The following LRRTM4 variants were observed in gnomAD, a reference collection of about 807,000 sequenced individuals.
LRRTM4 encodes leucine rich repeat transmembrane neuronal 4.
A neutral mutation model predicts 47.6 loss-of-function variants in LRRTM4; 25 were observed. That is an observed-to-expected ratio of 0.53 (90% CI 0.38 to 0.73). The LOEUF (loss-of-function observed/expected upper bound fraction) is 0.73. LRRTM4 is among the 30% of genes least tolerant of loss of function. The pLI, the probability that LRRTM4 is intolerant of heterozygous loss-of-function variation, is 0.00. For missense variants in LRRTM4, 638 were observed against 713.4 expected, an observed-to-expected ratio of 0.89 and a Z score of 1.20; for synonymous variants, 311 against 269.5, an observed-to-expected ratio of 1.15 and a Z score of -1.51.
At chr2:77,241,805 T>C (rs902562824) in intron 3 of LRRTM4, among the ~76,000 whole-genome samples, 1 of 152,116 alleles carries the variant, frequency 6.6e-6, no homozygotes, top group Non-Finnish European at 1.5e-5. Context: ...TTAGCACTTA[T>C]GTTTAGATCT....
At chr2:77,303,839 T>C (rs916905712) in intron 3 of LRRTM4, among the ~76,000 whole-genome samples, 4 of 152,184 alleles carry the variant, frequency 2.6e-5, no homozygotes, top group Non-Finnish European at 5.9e-5. Flanking sequence ...TATCACGTTA[T>C]CTTTATCCAT....
intron 3 of LRRTM4, among the ~76,000 whole-genome samples, chr2:77,402,841 G>C (rs1674013558): frequency 6.6e-6 from 1 of 151,792 alleles, no homozygotes; most frequent in African/African-American, 2.4e-5. Context: ...CCCGAAACTA[G>C]AATTTTCTAA....
intron 3 of LRRTM4, among the ~76,000 whole-genome samples, chr2:76,801,322 T>A (rs532606945): frequency 6.6e-6 from 1 of 152,196 alleles, no homozygotes; most frequent in East Asian, 1.9e-4. Flanking sequence ...CACCATGGAA[T>A]ACTATGCAGC....
At chr2:77,158,336 G>C (rs1206665926) in intron 3 of LRRTM4, among the ~76,000 whole-genome samples, 1 of 152,128 alleles carries the variant, frequency 6.6e-6, no homozygotes, top group East Asian at 1.9e-4. Context: ...CATCACAGAT[G>C]TATCAAATTT....
At chr2:77,042,380 T>C (rs749771073) in intron 3 of LRRTM4, among the ~76,000 whole-genome samples, 28 of 151,718 alleles carry the variant, frequency 1.8e-4, no homozygotes, top group Non-Finnish European at 3.5e-4. Flanking sequence ...ATGTTACACT[T>C]TTCTGTACAT....
At chr2:77,118,684 G>GATT (rs1459562564) in intron 3 of LRRTM4, among the ~76,000 whole-genome samples, 1 of 151,846 alleles carries the variant, frequency 6.6e-6, no homozygotes, top group Non-Finnish European at 1.5e-5. Context: ...AAGCCTTAGA[G>GATT]ATTAAGAACA....
chr2:77,390,249 C>A (rs1057361133), intron 3 of LRRTM4, among the ~76,000 whole-genome samples: 1 of 151,886 alleles, frequency 6.6e-6, no homozygotes, highest in East Asian at 1.9e-4. Context: ...GGAAGATAAA[C>A]AACATTTAAA....
intron 3 of LRRTM4, among the ~76,000 whole-genome samples, chr2:77,302,248 A>G (rs1166662147): frequency 6.6e-6 from 1 of 152,224 alleles, no homozygotes; most frequent in African/African-American, 2.4e-5. Context: ...TTGAGCCACA[A>G]CACCATGCAG....
chr2:77,345,987 C>A (rs551966969), intron 3 of LRRTM4, among the ~76,000 whole-genome samples: 2 of 151,614 alleles, frequency 1.3e-5, no homozygotes, highest in African/African-American at 4.8e-5. Context: ...ATGGATAAAA[C>A]AAACTAGTAT....
chr2:76,807,411 T>TATATACACAC (rs1670527275), intron 3 of LRRTM4, among the ~76,000 whole-genome samples: 1 of 86,046 alleles, frequency 1.2e-5, no homozygotes, highest in Non-Finnish European at 2.0e-5. Context: ...TATATACGTA[T>TATATACACAC]ATATATATAT....
At chr2:77,497,036 T>G (rs1678389252) in intron 3 of LRRTM4, among the ~76,000 whole-genome samples, 1 of 151,726 alleles carries the variant, frequency 6.6e-6, no homozygotes, top group South Asian at 2.1e-4. Flanking sequence ...AGCTTATGTA[T>G]CTGAAAAATG....
At chr2:77,437,723 G>T (rs889528149) in intron 3 of LRRTM4, among the ~76,000 whole-genome samples, 2 of 152,022 alleles carry the variant, frequency 1.3e-5, no homozygotes, top group East Asian at 3.9e-4. Context: ...ATCTAGTTTA[G>T]GGTTTTTGTG....
At chr2:76,986,216 G>C (rs771879081) in intron 3 of LRRTM4, among the ~76,000 whole-genome samples, 1 of 150,064 alleles carries the variant, frequency 6.7e-6, no homozygotes, top group African/African-American at 2.5e-5. Flanking sequence ...CTTCTGAAGA[G>C]TGTGCATTTA....
chr2:77,392,406 AC>A (rs1376692952), intron 3 of LRRTM4, among the ~76,000 whole-genome samples: 3 of 152,030 alleles, frequency 2.0e-5, no homozygotes, highest in African/African-American at 7.2e-5. Flanking sequence ...ATGACCCTTA[AC>A]CTTGGCAAAA....
intron 3 of LRRTM4, among the ~76,000 whole-genome samples, chr2:77,367,735 GTCA>G (rs1167543383): frequency 6.6e-6 from 1 of 151,778 alleles, no homozygotes; most frequent in East Asian, 1.9e-4. Context: ...CGGTAGGTAG[GTCA>G]ATTTGCTTTG....
At chr2:77,284,872 T>C (rs1269881255) in intron 3 of LRRTM4, among the ~76,000 whole-genome samples, 1 of 152,038 alleles carries the variant, frequency 6.6e-6, no homozygotes, top group Admixed American at 6.6e-5. Flanking sequence ...AACAAGCAAT[T>C]CACTCAGAAG....
intron 3 of LRRTM4, among the ~76,000 whole-genome samples, chr2:76,920,537 C>T (rs1457630565): frequency 1.3e-5 from 2 of 152,032 alleles, no homozygotes; most frequent in East Asian, 1.9e-4. Flanking sequence ...ATTTTCATAC[C>T]TGTCACACTA....
chr2:77,502,798 G>C (rs1678622314), intron 3 of LRRTM4, among the ~76,000 whole-genome samples: 1 of 151,564 alleles, frequency 6.6e-6, no homozygotes, highest in African/African-American at 2.4e-5. Flanking sequence ...AAAACAAGGT[G>C]GTTTGACTAT....
chr2:76,785,182 G>A (rs1317230024), intron 3 of LRRTM4, among the ~76,000 whole-genome samples: 4 of 152,062 alleles, frequency 2.6e-5, no homozygotes, highest in Admixed American at 2.0e-4. Flanking sequence ...ATTGGCATTT[G>A]CAATTGAATA....
Sources: gnomAD v4.1 joint callset for allele counts (sites outside exome capture counted in the v4.1 genomes callset) on GRCh38, gnomAD v4.1.1 for gene constraint, MANE v1.5 for transcripts, NCBI Gene and HGNC (gene_info 2026-07-23, HGNC 2026-07-21) for gene names.